The following ZNF704 variants were observed in gnomAD, a reference collection of about 807,000 sequenced individuals.
ZNF704 encodes zinc finger protein 704.
ZNF704 carries 10 observed loss-of-function variants against 44.7 expected under a neutral mutation model. The observed-to-expected ratio is 0.22, with a 90% CI of 0.14 to 0.38. The LOEUF (loss-of-function observed/expected upper bound fraction) is 0.38, where lower values mean the gene tolerates loss of function less well. Ranked by LOEUF, ZNF704 falls within the 10% of genes least tolerant of loss-of-function variation. ZNF704 has a pLI of 1.00. For missense variants in ZNF704, 390 were observed against 545.5 expected, an observed-to-expected ratio of 0.71 and a Z score of 2.84; for synonymous variants, 211 against 207.6, an observed-to-expected ratio of 1.02 and a Z score of -0.14.
At chr8:80,719,123 G>T (rs1388424239) in intron 2 of ZNF704, among the ~76,000 whole-genome samples, 1 of 151,978 alleles carries the variant, frequency 6.6e-6, no homozygotes, top group Non-Finnish European at 1.5e-5. Flanking sequence ...GTGCCACCAT[G>T]ACCAGCTAAT....
chr8:80,786,198 G>A (rs768736260), intron 2 of ZNF704, among the ~76,000 whole-genome samples: 30 of 152,158 alleles, frequency 2.0e-4, no homozygotes, highest in African/African-American at 3.9e-4. Flanking sequence ...GGGAGGCCGC[G>A]GTTGTAGTGA....
intron 2 of ZNF704, among the ~76,000 whole-genome samples, chr8:80,739,556 T>C (rs941412337): frequency 3.2e-4 from 48 of 152,224 alleles, no homozygotes; most frequent in Admixed American, 8.5e-4. Flanking sequence ...TGAAAAACAT[T>C]TTTCTTCTCT....
rs554686590 is a variant in ZNF704 at position 80,684,543 on chromosome 8, A to T, written c.558+2683T>A. Among the ~76,000 whole-genome samples the T allele has an allele frequency of 2.0e-5, 3 of 152,350 alleles. No homozygotes were observed. The South Asian group carries it at 6.2e-4, about 32-fold the overall frequency. ...AATGGGTACTATGAAACTGAGGGAA[A>T]GGAGAGGAAAATAAGATGAACTCAG... On this transcript the variant is annotated intron_variant, in intron 4 of 8. Transcript: ENST00000327835.
intron 2 of ZNF704, among the ~76,000 whole-genome samples, chr8:80,795,854 G>T (rs1807792379): frequency 6.6e-6 from 1 of 152,158 alleles, no homozygotes; most frequent in Non-Finnish European, 1.5e-5. Flanking sequence ...TTTGTAGTAG[G>T]AAATTACACA....
chr8:80,737,294 G>A (rs1397659605), intron 2 of ZNF704, among the ~76,000 whole-genome samples: 1 of 152,216 alleles, frequency 6.6e-6, no homozygotes, highest in Admixed American at 6.5e-5. Context: ...GGCAAGCGAT[G>A]AGCCAGGACT....
intron 2 of ZNF704, among the ~76,000 whole-genome samples, chr8:80,809,145 G>A (rs754575172): frequency 5.2e-4 from 79 of 152,144 alleles, no homozygotes; most frequent in Non-Finnish European, 1.0e-3. Flanking sequence ...ACAAAAGTTA[G>A]CCAGGCGTGG....
intron 2 of ZNF704, among the ~76,000 whole-genome samples, chr8:80,705,355 C>T (rs991997641): frequency 2.0e-5 from 3 of 150,116 alleles, no homozygotes; most frequent in African/African-American, 7.4e-5. Context: ...TGTTTCTGCA[C>T]AGTTGTGTGT....
chr8:80,677,252 A>T (rs1303158629), intron 4 of ZNF704, among the ~76,000 whole-genome samples: 2 of 152,226 alleles, frequency 1.3e-5, no homozygotes, highest in Non-Finnish European at 2.9e-5. Context: ...TGATAATCAC[A>T]GTGGTATTTT....
chr8:80,824,069 G>C (rs1808326782), intron 1 of ZNF704, among the ~76,000 whole-genome samples: 1 of 152,212 alleles, frequency 6.6e-6, no homozygotes, highest in Admixed American at 6.5e-5. Flanking sequence ...AAGCTGGATG[G>C]AGAATGACTT....
intron 2 of ZNF704, among the ~76,000 whole-genome samples, chr8:80,694,589 T>G (rs1563521663): frequency 6.6e-6 from 1 of 152,182 alleles, no homozygotes; most frequent in Non-Finnish European, 1.5e-5. Context: ...AATGAACTCT[T>G]AGAGATAGAA....
intron 2 of ZNF704, among the ~76,000 whole-genome samples, chr8:80,710,485 G>A (rs376974571): frequency 5.3e-5 from 8 of 152,116 alleles, no homozygotes; most frequent in African/African-American, 1.9e-4. Flanking sequence ...TATGTGTTAC[G>A]ACAGTGATTC....
chr8:80,778,811 T>C (rs1460284337), intron 2 of ZNF704, among the ~76,000 whole-genome samples: 4 of 151,996 alleles, frequency 2.6e-5, no homozygotes, highest in Non-Finnish European at 5.9e-5. Flanking sequence ...ACAATGAGAA[T>C]TCATGAACAC....
At chr8:80,882,785 T>C in the ZNF704 span, among the ~76,000 whole-genome samples, 1 of 152,246 alleles carries the variant, frequency 6.6e-6, no homozygotes, top group African/African-American at 2.4e-5. Context: ...TGTCACATCA[T>C]AATTTCTTTT....
chr8:80,779,329 C>A (rs137960465), intron 2 of ZNF704, among the ~76,000 whole-genome samples: 1 of 152,180 alleles, frequency 6.6e-6, no homozygotes, highest in African/African-American at 2.4e-5. Context: ...GCAACCCCTG[C>A]CTCCCAGGTT....
intron 7 of ZNF704, among the ~76,000 whole-genome samples, chr8:80,657,554 G>A (rs1818035053): frequency 6.6e-6 from 1 of 152,044 alleles, no homozygotes; most frequent in Admixed American, 6.6e-5. Flanking sequence ...TTAGCCAGGT[G>A]TGATGGTGTG....
chr8:80,657,617 G>A (rs1273780610), intron 7 of ZNF704, among the ~76,000 whole-genome samples: 4 of 151,652 alleles, frequency 2.6e-5, no homozygotes, highest in Admixed American at 2.6e-4. Context: ...TGAGCCCAGG[G>A]AGGTTGAGGC....
chr8:80,676,611 G>A (rs1343306520), intron 4 of ZNF704, among the ~76,000 whole-genome samples: 1 of 152,188 alleles, frequency 6.6e-6, no homozygotes, highest in Non-Finnish European at 1.5e-5. Context: ...TGACAAAGAG[G>A]GAAGGTTGTG....
chr8:80,645,563 T>C (rs142462047), intron 7 of ZNF704, among the ~76,000 whole-genome samples: 1 of 152,194 alleles, frequency 6.6e-6, no homozygotes, highest in African/African-American at 2.4e-5. Flanking sequence ...GACCATTCCC[T>C]TGGTGATATG....
intron 2 of ZNF704, among the ~76,000 whole-genome samples, chr8:80,791,552 T>C (rs113342561): frequency 1.4e-4 from 22 of 152,316 alleles, no homozygotes; most frequent in East Asian, 1.2e-3. Flanking sequence ...ACAGTCTTAA[T>C]AGCAGACTCT....
Sources: allele counts gnomAD v4.1 joint callset (sites outside exome capture counted in the v4.1 genomes callset), GRCh38; gene constraint gnomAD v4.1.1; transcripts MANE v1.5; gene names NCBI Gene and HGNC (gene_info 2026-07-23, HGNC 2026-07-21).